ESRP2: variants seen among roughly 807,000 people sequenced by gnomAD.
ESRP2 encodes RNA binding motif protein 35A.
ESRP2 carries 48 observed loss-of-function variants against 78.6 expected under a neutral mutation model. That is an observed-to-expected ratio of 0.61 (90% CI 0.48 to 0.78). The LOEUF is 0.78. Among genes scored for constraint, ESRP2 ranks in the 30% least tolerant of loss-of-function variants. ESRP2 has a pLI of 0.00. For synonymous variants in ESRP2, 383 were observed against 406.7 expected (o/e 0.94, Z 0.70); for missense variants, 863 against 965.9 (o/e 0.89, Z 1.41).
chr16:68,231,535 C>A lies in ESRP2; in HGVS notation c.1459G>T (p.Glu487Ter). Residue 487 changes from glutamate (E) to a stop codon, truncating the protein, a stop_gained, in exon 11 of 15, where the codon GAG becomes TAG. Coordinates refer to ENST00000473183, the MANE Select transcript of ESRP2 (RefSeq NM_024939.3). LOFTEE classifies it high-confidence loss of function. The surrounding 1 kb of genome is among the most constrained non-coding windows in gnomAD (Gnocchi z 6.0). ...TIEDILSFLG[E>*]AAADIRPHGV... ...TGGGGCCGAATGTCAGCTGCTGCCT[C>A]CCCCAGAAAGCTCAGGATGTCTTCA... 1 of 1,614,114 alleles carries A rather than the reference C, an allele frequency of 6.2e-7. No homozygotes were observed. Among genetic ancestry groups the A allele is most frequent in the Non-Finnish European group, 8.5e-7 (1 of 1,180,004 alleles).
Position 68,231,693 on chromosome 16 carries a change from A to G in ESRP2, c.1301T>C (p.Val434Ala), listed in dbSNP as rs1317335012. Residue 434 changes from valine to alanine, a missense_variant and splice_region_variant, in exon 11 of 15, where the codon GTC (valine) becomes GCC (alanine). Physicochemically the swap from Val to Ala is moderately conservative, Grantham distance 64. Coordinates refer to ENST00000473183, the MANE Select transcript of ESRP2 (RefSeq NM_024939.3). The surrounding 1 kb of genome is among the most constrained non-coding windows in gnomAD (Gnocchi z 6.0). ...TGGGCCGGATGCATAGCGGTTCAAG[A>G]CCTAGTAAGGAAGGCAGCAACAGGC... ...FRSTAAEVQQVLNRYASGPLL... is the reference protein window; with the variant it reads ...FRSTAAEVQQALNRYASGPLL... 2 of 1,601,834 alleles carry G rather than the reference A, an allele frequency of 1.2e-6. No individual in the cohort carries two copies. Among genetic ancestry groups the G allele is most frequent in the East Asian group, 2.2e-5 (1 of 44,654 alleles).
In ESRP2 at chr16:68,232,138, G is replaced by T; in HGVS notation, c.998-35C>A. 4 of 1,610,372 alleles carry T rather than the reference G, an allele frequency of 2.5e-6. No individual in the cohort carries two copies. Among genetic ancestry groups the T allele is most frequent in the Non-Finnish European group, 3.4e-6 (4 of 1,177,472 alleles). On this transcript the variant is annotated intron_variant, in intron 9 of 14. Transcript: ENST00000473183. This position sits in a 1 kb window ranked among gnomAD's most constrained non-coding sequence, Gnocchi z 5.2. ...AGAGTCGCCTGCTGACTTCACTCATGCTCCTCCAGACACTCACCCATGCAG... is the reference window on the plus strand; with the variant it reads ...AGAGTCGCCTGCTGACTTCACTCATTCTCCTCCAGACACTCACCCATGCAG...
At position 68,231,815 on chromosome 16, in the gene ESRP2, G is replaced by A; in HGVS notation, c.1286C>T (p.Ala429Val). 1 of 1,608,162 alleles carries A rather than the reference G, an allele frequency of 6.2e-7. No homozygotes were observed. Among genetic ancestry groups the A allele is most frequent in the Non-Finnish European group, 8.5e-7 (1 of 1,175,156 alleles). ...RYIELFRSTA[A>V]EVQQVLNRYA... Reference sequence around the variant, plus strand: ...CTGGGCGCTCACCTGCTGCACTTCGGCTGCAGTGCTCCGGAAGAGTTCAAT... The same window carrying A: ...CTGGGCGCTCACCTGCTGCACTTCGACTGCAGTGCTCCGGAAGAGTTCAAT... The change falls in exon 10 of 15, where the codon GCC becomes GTC. Residue 429 changes from alanine to valine, a missense_variant. By Grantham distance (64) the Ala-to-Val change is moderately conservative (BLOSUM62 0). Coordinates refer to ENST00000473183, the MANE Select transcript of ESRP2 (RefSeq NM_024939.3). The surrounding 1 kb of genome is among the most constrained non-coding windows in gnomAD (Gnocchi z 6.0).
chr16:68,234,071 C>T lies in ESRP2; in HGVS notation c.364G>A (p.Gly122Ser). ...QLVNGDVALL[G>S]GGPYMLCTDG... is the part of the protein sequence containing the mutation. ...GTGCAGAGCATGTAGGGGCCCCCGCCCAGCAAAGCCACATCCCCGTTCACC... is the reference window on the plus strand; with the variant it reads ...GTGCAGAGCATGTAGGGGCCCCCGCTCAGCAAAGCCACATCCCCGTTCACC... The change falls in exon 3 of 15, where the codon GGC (glycine) becomes AGC (serine). Residue 122 changes from glycine to serine, a missense_variant. Transcript: ENST00000473183. 1 of 1,613,608 alleles carries T rather than the reference C, an allele frequency of 6.2e-7. No individual in the cohort carries two copies. The highest frequency in any genetic ancestry group is 2.2e-5 in the East Asian group (1 of 44,856).
intron 13 of ESRP2, 39 bp downstream of exon 13, chr16:68,230,802 A>G: frequency 1.2e-6 from 2 of 1,610,788 alleles, no homozygotes; most frequent in South Asian, 1.1e-5. Context: ...AGATTGGGAC[A>G]GGGAGTGGGA....
chr16:68,233,705 A>T, intron 4 of ESRP2, 63 bp downstream of exon 4: 1 of 1,217,024 alleles, frequency 8.2e-7, no homozygotes, highest in Non-Finnish European at 1.2e-6. Context: ...CACAGCATGC[A>T]CATACTCAGA....
chr16:68,235,782 C>A lies in ESRP2; in HGVS notation c.199-20G>T. 2 of 1,608,618 alleles carry A rather than the reference C, an allele frequency of 1.2e-6. No homozygotes were observed. The highest frequency in any genetic ancestry group is 8.5e-7 in the Non-Finnish European group (1 of 1,178,224). ...CCCCACCTGTGAGCGGCGGGGGAAACCGATCAGCCGCGCCCCTCGACCCCG... is the reference window on the plus strand; with the variant it reads ...CCCCACCTGTGAGCGGCGGGGGAAAACGATCAGCCGCGCCCCTCGACCCCG... On this transcript the variant is annotated intron_variant, in intron 1 of 14. Transcript: ENST00000473183. The surrounding 1 kb of genome is among the most constrained non-coding windows in gnomAD (Gnocchi z 5.5).
In ESRP2 at chr16:68,235,108, C is replaced by A; in HGVS notation, c.327+526G>T. 5 of 989,500 alleles carry A rather than the reference C, an allele frequency of 5.1e-6. No homozygotes were observed. The highest frequency in any genetic ancestry group is 6.0e-6 in the Non-Finnish European group (5 of 832,306). 61.3% of individuals were successfully genotyped at this position (989,500 alleles called of 1,614,324 possible). On this transcript the variant is annotated intron_variant, in intron 2 of 14. Transcript: ENST00000473183. The surrounding 1 kb of genome is among the most constrained non-coding windows in gnomAD (Gnocchi z 5.5). ...AGGCAGATAGTCCCCCAGGCCAGGC[C>A]GGGACAGCGCCCACGCCTGGCCAGC...
At position 68,235,923 on chromosome 16, in the gene ESRP2, C is replaced by T. The variant is rs536751812; in HGVS notation, c.123G>A (p.Leu41=). The T allele has an allele frequency of 6.2e-7, 1 of 1,603,066 alleles. No individual in the cohort carries two copies. The highest frequency in any genetic ancestry group is 1.1e-5 in the South Asian group (1 of 90,210). The part of the protein sequence containing the change: ...VVLFGATAGA[L]GRDLGSDETD... ...TCTCGTCCGAGCCCAGGTCCCGTCC[C>T]AGCGCACCCGCCGTAGCCCCGAAGA... The change falls in exon 1 of 15, where the codon CTG becomes CTA. Residue 41 remains leucine, a synonymous_variant. Coordinates refer to ENST00000473183, the MANE Select transcript of ESRP2 (RefSeq NM_024939.3). The surrounding 1 kb of genome is among the most constrained non-coding windows in gnomAD (Gnocchi z 5.5).
At position 68,233,826 on chromosome 16, in the gene ESRP2, A is replaced by G. The variant is rs1287160056; in HGVS notation, c.498T>C (p.His166=). 9 of 1,614,080 alleles carry G rather than the reference A, an allele frequency of 5.6e-6. No homozygotes were observed. Among genetic ancestry groups the G allele is most frequent in the Non-Finnish European group, 6.8e-6 (8 of 1,180,002 alleles). Residue 166 remains histidine, a synonymous_variant, in exon 4 of 15, where the codon CAT becomes CAC. Transcript: ENST00000473183. Reference sequence around the variant, plus strand: ...CAGGGCAGGTGCTTGGATGCTGCATATGGAATTCTCTTCGGAGGTCATAGA... The same window carrying G: ...CAGGGCAGGTGCTTGGATGCTGCATGTGGAATTCTCTTCGGAGGTCATAGA... ...FSFYDLRREF[H]MQHPSTCPAR...
intron 4 of ESRP2, 39 bp from the exon 5 acceptor site, chr16:68,233,464 A>G: frequency 6.8e-7 from 1 of 1,470,658 alleles, no homozygotes; most frequent in Non-Finnish European, 9.5e-7. Context: ...ATCTTAGCAT[A>G]AGCACTAATC....
At chr16:68,233,196 C>CA (rs377116348) in intron 5 of ESRP2, 131 bp downstream of exon 5, 88,193 of 514,614 alleles carry the variant, frequency 0.17, 1,219 homozygotes, top group African/African-American at 0.2. Context: ...GAGACTGTCT[C>CA]AAAAAAAAAA....
Position 68,230,234 on chromosome 16 carries a change from A to T in ESRP2, c.2146T>A (p.Cys716Ser), listed in dbSNP as rs1415318234. ...CCTCCTGGCTTTCTCTCCTACAAAC[A>T]CACCCATTCCTTGGGGGCTTGTAAC... ...TVLQAPKEWV[C>S]L is the part of the protein sequence containing the mutation. The change falls in exon 15 of 15, where the codon TGT (cysteine) becomes AGT (serine). Residue 716 changes from cysteine (C) to serine (S), a missense_variant. Coordinates refer to ENST00000473183, the MANE Select transcript of ESRP2 (RefSeq NM_024939.3). 1 of 1,614,098 alleles carries T rather than the reference A, an allele frequency of 6.2e-7. No individual in the cohort carries two copies. Among genetic ancestry groups the T allele is most frequent in the Non-Finnish European group, 8.5e-7 (1 of 1,179,994 alleles).
chr16:68,234,248 C>T lies in ESRP2; in HGVS notation c.328-141G>A, dbSNP rs768550923. On this transcript the variant is annotated intron_variant, in intron 2 of 14. Coordinates refer to ENST00000473183, the MANE Select transcript of ESRP2 (RefSeq NM_024939.3). Reference sequence around the variant, plus strand: ...TATCCTGCCTGGGAATAAGAGGCCACGCCTGTTGAGCCTAGCCCTATGTCC... The same window carrying T: ...TATCCTGCCTGGGAATAAGAGGCCATGCCTGTTGAGCCTAGCCCTATGTCC... The T allele has an allele frequency of 2.4e-4, 153 of 650,954 alleles. 6 individuals are homozygous for T. Among genetic ancestry groups the T allele is most frequent in the African/African-American group, 2.9e-4 (16 of 54,926 alleles). 40.3% of individuals were successfully genotyped at this position (650,954 alleles called of 1,614,324 possible). A position where few individuals can be genotyped will look rare whatever the true frequency, so the allele number is the denominator to read the frequency against.
At position 68,232,455 on chromosome 16, in the gene ESRP2, C is replaced by T; in HGVS notation, c.870G>A (p.Glu290=). 1 of 1,614,110 alleles carries T rather than the reference C, an allele frequency of 6.2e-7. No individual in the cohort carries two copies. Among genetic ancestry groups the T allele is most frequent in the South Asian group, 1.1e-5 (1 of 91,080 alleles). The change falls in exon 8 of 15, where the codon GAG becomes GAA. Residue 290 remains glutamate (E), a synonymous_variant. Coordinates refer to ENST00000473183, the MANE Select transcript of ESRP2 (RefSeq NM_024939.3). The surrounding 1 kb of genome is among the most constrained non-coding windows in gnomAD (Gnocchi z 5.2). ...CGCTGTCCACAAAGCGGATGAGGGC[C>T]TCGCCATTTCTGCGGCCCTGGGCGT... The part of the protein sequence containing the change: ...CLNAQGRRNG[E]ALIRFVDSEQ...
chr16:68,231,211 T>C lies in ESRP2; in HGVS notation c.1678A>G (p.Ser560Gly). The C allele has an allele frequency of 6.2e-7, 1 of 1,613,692 alleles. No individual in the cohort carries two copies. The highest frequency in any genetic ancestry group is 8.5e-7 in the Non-Finnish European group (1 of 1,179,980). ...TTGCAGGGTGGAGGGGACATGCCACTGCGGCCCAAGGTGCCCCCCATCAGC... is the reference window on the plus strand; with the variant it reads ...TTGCAGGGTGGAGGGGACATGCCACCGCGGCCCAAGGTGCCCCCCATCAGC... ...RVLMGGTLGR[S>G]GMSPPPCKLP... The change falls in exon 12 of 15, where the codon AGT (serine) becomes GGT (glycine). Residue 560 changes from serine (S) to glycine (G), a missense_variant. Transcript: ENST00000473183. The surrounding 1 kb of genome is among the most constrained non-coding windows in gnomAD (Gnocchi z 6.0).
At position 68,231,386 on chromosome 16, in the gene ESRP2, C is replaced by T. The variant is rs111474181; in HGVS notation, c.1513-10G>A. Reference sequence around the variant, plus strand: ...CGCCCGATGGCCGGCCCTGTGCACACCATCTTGTGAGCAGTTTGTCATGTG... The same window carrying T: ...CGCCCGATGGCCGGCCCTGTGCACATCATCTTGTGAGCAGTTTGTCATGTG... On this transcript the variant is annotated splice_polypyrimidine_tract_variant and intron_variant, in intron 11 of 14. Transcript: ENST00000473183. The surrounding 1 kb of genome is among the most constrained non-coding windows in gnomAD (Gnocchi z 6.0). 1 of 1,614,078 alleles carries T rather than the reference C, an allele frequency of 6.2e-7. No homozygotes were observed.
Position 68,230,972 on chromosome 16 carries a change from C to T in ESRP2, c.1767G>A (p.Thr589=), listed in dbSNP as rs749792127. ...TFQATPTLIP[T]ETAALYPSSA... ...AAGAGGGGTATAGAGCTGCCGTCTC[C>T]GTGGGAATGAGCGTTGGGGTGGCTT... The change falls in exon 13 of 15, where the codon ACG becomes ACA. Residue 589 remains threonine, a synonymous_variant. Transcript: ENST00000473183. 8.1e-6 allele frequency: 13 copies of T among 1,607,222 alleles called. No homozygotes were observed. The highest frequency in any genetic ancestry group is 4.5e-5 in the East Asian group (2 of 44,872).
chr16:68,234,308 T>G, intron 2 of ESRP2: 1 of 577,388 alleles, frequency 1.7e-6, no homozygotes, highest in Non-Finnish European at 3.1e-6. Flanking sequence ...TCCAGTCCAC[T>G]GTCACCTCCT....
Sources: allele counts gnomAD v4.1 joint callset, GRCh38; gene constraint gnomAD v4.1.1; non-coding constraint Gnocchi (gnomAD v3.1); transcripts MANE v1.5; gene names NCBI Gene and HGNC (gene_info 2026-07-23, HGNC 2026-07-21).